Variants in CHERP observed in about 807,000 individuals in gnomAD.
CHERP encodes the protein ERPROT 213-21.
A neutral mutation model predicts 113.8 loss-of-function variants in CHERP; 8 were observed. The ratio of observed to expected loss-of-function variants is 0.07; its 90% CI spans 0.04 to 0.13. The LOEUF (loss-of-function observed/expected upper bound fraction) is 0.13. Ranked by LOEUF, CHERP falls within the 10% of genes least tolerant of loss-of-function variation. The pLI, the probability that CHERP is intolerant of heterozygous loss-of-function variation, is 1.00. For missense variants in CHERP, 884 were observed against 1,298.2 expected, an observed-to-expected ratio of 0.68 and a Z score of 4.90; for synonymous variants, 559 against 524.5, an observed-to-expected ratio of 1.07 and a Z score of -0.90.
intron 2 of CHERP, among the ~76,000 whole-genome samples, chr19:16,538,047 C>G (rs761007822): frequency 6.6e-6 from 1 of 152,180 alleles, no homozygotes; most frequent in Non-Finnish European, 1.5e-5. Flanking sequence ...GGGTGCAGAA[C>G]TGGCTGTACT....
chr19:16,529,052 A>G (rs1182611399), intron 8 of CHERP, among the ~76,000 whole-genome samples: 1 of 152,194 alleles, frequency 6.6e-6, no homozygotes, highest in Non-Finnish European at 1.5e-5. Context: ...GTATTTTCTG[A>G]GACAGGGTCT....
chr19:16,520,034 G>A lies in CHERP; in HGVS notation c.2462+115C>T, dbSNP rs945485403. 33 of 1,102,046 alleles carry A rather than the reference G, an allele frequency of 3.0e-5. No individual in the cohort carries two copies. The East Asian group carries it at 7.8e-4, about 26-fold the overall frequency. 68.3% of individuals were successfully genotyped at this position (1,102,046 alleles called of 1,614,324 possible). On this transcript the variant is annotated intron_variant, in intron 15 of 16. Transcript: ENST00000546361. This position sits in a 1 kb window ranked among gnomAD's most constrained non-coding sequence, Gnocchi z 4.0. ...AGGGTGAGGGGTGCCACTGTCCCCGGGCTAATGCTGGCGGCCTCCTAACAC... is the reference window on the plus strand; with the variant it reads ...AGGGTGAGGGGTGCCACTGTCCCCGAGCTAATGCTGGCGGCCTCCTAACAC...
Position 16,532,459 on chromosome 19 carries a change from C to CA in CHERP, c.674+138dup, listed in dbSNP as rs1480200827. 7.4e-6 allele frequency: 8 copies of CA among 1,079,484 alleles called. No homozygotes were observed. In the African/African-American group the frequency reaches 9.6e-5, roughly 13 times the overall value. The allele number at this position is 1,079,484 out of a possible 1,614,324, so 66.9% of individuals were successfully genotyped here. The stretch of plus-strand genomic sequence containing the variant: ...AGCCTGGTGGCTCACAGAGACCCCC[C>CA]ACCCGGGGTCCCCGGACAAGTGCCC... On this transcript the variant is annotated intron_variant, in intron 5 of 16. Transcript: ENST00000546361. The surrounding 1 kb of genome is among the most constrained non-coding windows in gnomAD (Gnocchi z 4.4).
chr19:16,525,370 G>A lies in CHERP; in HGVS notation c.1613C>T (p.Pro538Leu), dbSNP rs2085650225. The A allele has an allele frequency of 6.7e-7, 1 of 1,494,414 alleles. No homozygotes were observed. The highest frequency in any genetic ancestry group is 8.9e-7 in the Non-Finnish European group (1 of 1,122,560). The allele number at this position is 1,494,414 out of a possible 1,614,324, so 92.6% of individuals were successfully genotyped here. Residue 538 changes from proline (P) to leucine (L), a missense_variant, in exon 10 of 17, where the codon CCT becomes CTT. Physicochemically the swap from Pro to Leu is moderately conservative, Grantham distance 98 (BLOSUM62 -3). Around this residue, in one of 8 missense-constraint regions of CHERP, gnomAD observed 464 missense variants for 590.1 expected, o/e 0.79. Coordinates refer to ENST00000546361, the MANE Select transcript of CHERP (RefSeq NM_006387.6). The surrounding 1 kb of genome is among the most constrained non-coding windows in gnomAD (Gnocchi z 6.5). ...GCGGTTGAAGTTGTGGGGGTGCGGA[G>A]GCTGGTTGAACTGCGGGTGCTGCTG... is the stretch of plus-strand genomic sequence containing the variant. ...PHQQHPQFNQ[P>L]PHPHNFNRFP...
At chr19:16,534,333 G>A (rs1399690414) in intron 3 of CHERP, among the ~76,000 whole-genome samples, 3 of 152,084 alleles carry the variant, frequency 2.0e-5, no homozygotes, top group African/African-American at 2.4e-5. Flanking sequence ...TATAGGCTGA[G>A]CCACTGTGCC....
intron 8 of CHERP, among the ~76,000 whole-genome samples, chr19:16,528,555 T>C (rs963157622): frequency 2.0e-5 from 3 of 152,262 alleles, no homozygotes; most frequent in African/African-American, 4.8e-5. Context: ...TAGACATCTT[T>C]ACTGTATCTA....
At chr19:16,539,170 C>T (rs1383359045) in intron 2 of CHERP, among the ~76,000 whole-genome samples, 21 of 136,336 alleles carry the variant, frequency 1.5e-4, no homozygotes, top group African/African-American at 5.0e-4. Flanking sequence ...TTTTTTGAGA[C>T]GGAGTCTCGC....
At chr19:16,527,490 C>T (rs1002899180) in intron 9 of CHERP, among the ~76,000 whole-genome samples, 3 of 152,180 alleles carry the variant, frequency 2.0e-5, no homozygotes, top group African/African-American at 4.8e-5. Flanking sequence ...CCAGGCCCCA[C>T]GGGCAAGGGG....
In CHERP at chr19:16,519,400, G is replaced by A. The variant is rs755640215; in HGVS notation, c.2558-48C>T. The A allele has an allele frequency of 6.2e-5, 97 of 1,572,370 alleles. No individual in the cohort carries two copies. In the Admixed American group the frequency reaches 1.6e-3, roughly 26 times the overall value. ...AACCACAACAAGGCGGAGGCAGATG[G>A]GGGTGCACGTGGGGGGCTGAATGTC... On this transcript the variant is annotated intron_variant, in intron 16 of 16. Coordinates refer to ENST00000546361, the MANE Select transcript of CHERP (RefSeq NM_006387.6). This position sits in a 1 kb window ranked among gnomAD's most constrained non-coding sequence, Gnocchi z 6.0.
In CHERP at chr19:16,520,289, TCAG is replaced by T. The variant is rs765831082; in HGVS notation, c.2346-27_2346-25del. ...TTCTGCAGGGAAGGGTGCCCAAGGG[TCAG>T]CAGCAGCCAGGCGTCGTGGGGAGGC... is the stretch of plus-strand genomic sequence containing the variant. On this transcript the variant is annotated intron_variant, in intron 14 of 16. Coordinates refer to ENST00000546361, the MANE Select transcript of CHERP (RefSeq NM_006387.6). This position sits in a 1 kb window ranked among gnomAD's most constrained non-coding sequence, Gnocchi z 4.0. 6.2e-7 allele frequency: 1 copy of T among 1,612,408 alleles called. No individual in the cohort carries two copies. Among genetic ancestry groups the T allele is most frequent in the Admixed American group, 1.7e-5 (1 of 59,916 alleles).
In CHERP at chr19:16,535,651, G is replaced by A. The variant is rs780727834; in HGVS notation, c.200-15C>T. The A allele has an allele frequency of 1.3e-6, 2 of 1,491,884 alleles. No homozygotes were observed. The highest frequency in any genetic ancestry group is 2.1e-4 in the Middle Eastern group (1 of 4,850). The allele number at this position is 1,491,884 out of a possible 1,614,324, so 92.4% of individuals were successfully genotyped here. A position where few individuals can be genotyped will look rare whatever the true frequency, so the allele number is the denominator to read the frequency against. On this transcript the variant is annotated splice_polypyrimidine_tract_variant and intron_variant, in intron 2 of 16. Coordinates refer to ENST00000546361, the MANE Select transcript of CHERP (RefSeq NM_006387.6). The surrounding 1 kb of genome is among the most constrained non-coding windows in gnomAD (Gnocchi z 4.3). ...CTTGCAGATGACTGGAGGGAGAGGA[G>A]GAGGGGTGCCCCATGAGAATGCAGA...
chr19:16,539,434 A>G (rs977700260), intron 2 of CHERP, among the ~76,000 whole-genome samples: 13 of 152,116 alleles, frequency 8.5e-5, no homozygotes, highest in Non-Finnish European at 1.6e-4. Context: ...GGCGTGAGCC[A>G]CCGCGCCCGG....
intron 11 of CHERP, among the ~76,000 whole-genome samples, chr19:16,522,086 TC>T (rs1217691286): frequency 3.3e-5 from 5 of 151,850 alleles, no homozygotes; most frequent in African/African-American, 1.2e-4. Context: ...GTCTCTGTCC[TC>T]CTGTTGAGGC....
rs568153171 is a variant in CHERP at position 16,530,554 on chromosome 19, G to T, written c.876+31C>A. Reference sequence around the variant, plus strand: ...TCCTGGGGAACCCGCCCCAGCTCTAGGGTGAGGTGTGGGTGGGCAGGGACA... The same window carrying T: ...TCCTGGGGAACCCGCCCCAGCTCTATGGTGAGGTGTGGGTGGGCAGGGACA... On this transcript the variant is annotated intron_variant, in intron 7 of 16. Transcript: ENST00000546361. This position sits in a 1 kb window ranked among gnomAD's most constrained non-coding sequence, Gnocchi z 4.1. The T allele has an allele frequency of 6.2e-7, 1 of 1,601,638 alleles. No individual in the cohort carries two copies. The highest frequency in any genetic ancestry group is 1.1e-5 in the South Asian group (1 of 90,816).
intron 12 of CHERP, 92 bp from the exon 13 acceptor site, chr19:16,521,004 GGA>G (rs2085609134): frequency 1.8e-6 from 2 of 1,104,318 alleles, no homozygotes; most frequent in African/African-American, 1.5e-5. Context: ...ACAGAACCTT[GGA>G]GAGTACATGG....
intron 7 of CHERP, 35 bp from the exon 8 acceptor site, chr19:16,529,935 C>T (rs777787662): frequency 1.9e-6 from 3 of 1,594,568 alleles, no homozygotes; most frequent in Non-Finnish European, 8.6e-7. Context: ...GCTCAGTATG[C>T]GGCCTTGGGG....
At chr19:16,542,265 T>C in intron 1 of CHERP, 89 bp downstream of exon 1, 2 of 1,248,934 alleles carry the variant, frequency 1.6e-6, no homozygotes, top group South Asian at 1.9e-5. Context: ...CCCCGCCCCC[T>C]CCCAGACCCG....
intron 5 of CHERP, among the ~76,000 whole-genome samples, chr19:16,531,318 G>A (rs2085702569): frequency 6.6e-6 from 1 of 152,214 alleles, no homozygotes; most frequent in Non-Finnish European, 1.5e-5. Flanking sequence ...CAGGCCTCTT[G>A]GGAGAAGGAG....
chr19:16,527,970 C>A (rs772115573), intron 9 of CHERP, 110 bp downstream of exon 9: 24 of 1,081,516 alleles, frequency 2.2e-5, no homozygotes, highest in Admixed American at 4.4e-5. Context: ...ACAGAATATC[C>A]CTCATTGTTC....
Sources: gnomAD v4.1 joint callset for allele counts (sites outside exome capture counted in the v4.1 genomes callset) on GRCh38, gnomAD v4.1.1 for gene constraint, gnomAD v4.1.1 regional missense constraint, Gnocchi (gnomAD v3.1) non-coding constraint, MANE v1.5 for transcripts, NCBI Gene and HGNC (gene_info 2026-07-23, HGNC 2026-07-21) for gene names.